The following LRCH1 variants were observed in gnomAD, a reference collection of about 807,000 sequenced individuals.
LRCH1 encodes leucine rich repeats and calponin homology domain containing 1.
LRCH1 carries 23 observed loss-of-function variants against 94.9 expected under a neutral mutation model. The observed-to-expected ratio is 0.24, with a 90% CI of 0.17 to 0.34. The LOEUF is 0.34. Ranked by LOEUF, LRCH1 falls within the 10% of genes least tolerant of loss-of-function variation. LRCH1 has a pLI of 1.00. For missense variants in LRCH1, 790 were observed against 945.9 expected (o/e 0.84, Z 2.16); for synonymous variants, 364 against 354.9 (o/e 1.03, Z -0.29).
At chr13:46,603,997 C>T (rs969163119) in intron 1 of LRCH1, among the ~76,000 whole-genome samples, 10 of 152,090 alleles carry the variant, frequency 6.6e-5, no homozygotes, top group African/African-American at 2.4e-4. Flanking sequence ...TTCCTCACCT[C>T]CCAGTTGTTT....
intron 19 of LRCH1, 21 bp downstream of exon 19, chr13:46,734,019 T>C: frequency 7.3e-7 from 1 of 1,373,484 alleles, no homozygotes; most frequent in East Asian, 2.3e-5. Context: ...ACTTACTTCA[T>C]ATAACTGTGT....
chr13:46,617,085 G>T (rs1026009000), intron 1 of LRCH1, among the ~76,000 whole-genome samples: 6 of 152,178 alleles, frequency 3.9e-5, no homozygotes, highest in African/African-American at 1.2e-4. Flanking sequence ...ATGTATACGT[G>T]CAAGTCACAG....
At position 46,635,120 on chromosome 13, in the gene LRCH1, G is replaced by C. The variant is rs146695987; in HGVS notation, c.308-15081G>C. The stretch of plus-strand genomic sequence containing the variant: ...TTCTATTTATTTCAGTGAGGTGTCT[G>C]TATGCACTGTGGCCATCCCAGAGGC... On this transcript the variant is annotated intron_variant, in intron 1 of 19. Coordinates refer to ENST00000389797, the MANE Select transcript of LRCH1 (RefSeq NM_001164211.2). Among the ~76,000 whole-genome samples the C allele has an allele frequency of 3.9e-5, 6 of 152,328 alleles. No individual in the cohort carries two copies. The East Asian group carries it at 1.2e-3, about 29-fold the overall frequency.
At chr13:46,553,927 G>C (rs965868292) in intron 1 of LRCH1, among the ~76,000 whole-genome samples, 12 of 152,232 alleles carry the variant, frequency 7.9e-5, no homozygotes, top group African/African-American at 2.9e-4. Flanking sequence ...CAGGAGGGCA[G>C]GGGTGCGCCG....
intron 3 of LRCH1, among the ~76,000 whole-genome samples, chr13:46,674,097 C>CT (rs1257728461): frequency 1.3e-5 from 2 of 152,034 alleles, no homozygotes; most frequent in Non-Finnish European, 2.9e-5. Flanking sequence ...TGTGAACTCT[C>CT]TTTTTTTCTA....
chr13:46,593,955 G>A (rs186246387), intron 1 of LRCH1, among the ~76,000 whole-genome samples: 1 of 152,158 alleles, frequency 6.6e-6, no homozygotes, highest in Admixed American at 6.5e-5. Flanking sequence ...CTAATTTTAA[G>A]TTGATAGAGT....
chr13:46,664,693 C>T (rs2051493231), intron 2 of LRCH1, among the ~76,000 whole-genome samples: 1 of 152,218 alleles, frequency 6.6e-6, no homozygotes, highest in East Asian at 1.9e-4. Context: ...TGGTCACCTC[C>T]TCGCTGCTTT....
chr13:46,677,834 C>T (rs1026941915), intron 3 of LRCH1, among the ~76,000 whole-genome samples: 12 of 152,056 alleles, frequency 7.9e-5, no homozygotes, highest in African/African-American at 1.2e-4. Flanking sequence ...TAATTAGATT[C>T]GTTTCTATCA....
chr13:46,653,332 A>G (rs1013355787), intron 2 of LRCH1, among the ~76,000 whole-genome samples: 6 of 152,164 alleles, frequency 3.9e-5, no homozygotes, highest in African/African-American at 1.2e-4. Context: ...ATTCTCCCAT[A>G]CTGAATCATG....
chr13:46,631,425 T>C (rs949031013), intron 1 of LRCH1, among the ~76,000 whole-genome samples: 1 of 152,246 alleles, frequency 6.6e-6, no homozygotes, highest in African/African-American at 2.4e-5. Context: ...TATTGACTTA[T>C]TATGAAACTT....
intron 2 of LRCH1, among the ~76,000 whole-genome samples, chr13:46,652,538 T>G (rs1048267349): frequency 6.6e-5 from 10 of 152,184 alleles, no homozygotes; most frequent in African/African-American, 2.4e-4. Flanking sequence ...ATTTCTAACT[T>G]ATCTGACCAT....
At chr13:46,705,364 C>T (rs201036257) in intron 13 of LRCH1, 60 bp downstream of exon 13, 272 of 1,350,878 alleles carry the variant, frequency 2.0e-4, no homozygotes, top group Non-Finnish European at 2.8e-4. Context: ...GAATACTGGC[C>T]ACCACATTCT....
chr13:46,658,720 A>T (rs2051407674), intron 2 of LRCH1, among the ~76,000 whole-genome samples: 1 of 152,184 alleles, frequency 6.6e-6, no homozygotes, highest in Non-Finnish European at 1.5e-5. Context: ...GACACAAGTG[A>T]TCCACCTACC....
In LRCH1 at chr13:46,742,308, AG is replaced by A. The variant is rs1406874167; in HGVS notation, c.*463del. The A allele has an allele frequency of 1.0e-5, 10 of 1,003,628 alleles. No homozygotes were observed. The East Asian group carries it at 8.0e-4, about 80-fold the overall frequency. The allele number at this position is 1,003,628 out of a possible 1,614,324, so 62.2% of individuals were successfully genotyped here. A position where few individuals can be genotyped will look rare whatever the true frequency, so the allele number is the denominator to read the frequency against. On this transcript the variant is annotated 3_prime_UTR_variant, in exon 20 of 20. Transcript: ENST00000389797. ...TTGAGCTGTATAGGGGCCACCTTGC[AG>A]GGAGGACAGAAAACTAACATTTTGG...
At chr13:46,615,752 C>T (rs1325252086) in intron 1 of LRCH1, among the ~76,000 whole-genome samples, 2 of 152,162 alleles carry the variant, frequency 1.3e-5, no homozygotes, top group African/African-American at 4.8e-5. Flanking sequence ...TGTATTATCT[C>T]CCCATATTTC....
At chr13:46,593,680 A>C (rs1594270476) in intron 1 of LRCH1, among the ~76,000 whole-genome samples, 1 of 152,168 alleles carries the variant, frequency 6.6e-6, no homozygotes, top group Non-Finnish European at 1.5e-5. Context: ...GCTTGCTGAT[A>C]GGCTGGCCCA....
chr13:46,625,498 G>T (rs1294916224), intron 1 of LRCH1, among the ~76,000 whole-genome samples: 1 of 152,120 alleles, frequency 6.6e-6, no homozygotes, highest in African/African-American at 2.4e-5. Flanking sequence ...TACCATATGA[G>T]GACACTGTGA....
chr13:46,641,505 T>A (rs2051157327), intron 1 of LRCH1, among the ~76,000 whole-genome samples: 1 of 152,192 alleles, frequency 6.6e-6, no homozygotes, highest in African/African-American at 2.4e-5. Flanking sequence ...GTGTTAAGAT[T>A]CTGAAAGTAA....
Position 46,723,237 on chromosome 13 carries a change from G to C in LRCH1, c.1776G>C (p.Gln592His), listed in dbSNP as rs775479013. The change falls in exon 17 of 20, where the codon CAG becomes CAC. Residue 592 changes from glutamine (Q) to histidine (H), a missense_variant. Around this residue, in one of 3 missense-constraint regions of LRCH1, gnomAD observed 460 missense variants for 508.9 expected, o/e 0.90. Transcript: ENST00000389797. Reference sequence around the variant, plus strand: ...GTATTGTAGTGTTTCTAAGACCTCAGAGAAATTTGGAATCTATAGACCCGC... The same window carrying C: ...GTATTGTAGTGTTTCTAAGACCTCACAGAAATTTGGAATCTATAGACCCGC... ...GDSDNVFLRP[Q>H]RNLESIDPQF... 2 of 1,611,020 alleles carry C rather than the reference G, an allele frequency of 1.2e-6. No individual in the cohort carries two copies. Among genetic ancestry groups the C allele is most frequent in the South Asian group, 1.1e-5 (1 of 90,856 alleles).
Sources: gnomAD v4.1 joint callset for allele counts (sites outside exome capture counted in the v4.1 genomes callset) on GRCh38, gnomAD v4.1.1 for gene constraint, gnomAD v4.1.1 regional missense constraint, MANE v1.5 for transcripts, NCBI Gene and HGNC (gene_info 2026-07-23, HGNC 2026-07-21) for gene names.